The following AAMDC variants were observed in gnomAD, a reference collection of about 807,000 sequenced individuals.
AAMDC encodes the protein adipogenesis associated Mth938 domain containing.
In AAMDC, 16 loss-of-function variants were observed where a neutral mutation model predicts 15.5. The observed-to-expected ratio is 1.03, with a 90% confidence interval of 0.70 to 1.57. AAMDC has a LOEUF of 1.57. Ranked by LOEUF, AAMDC falls within the 40% of genes most tolerant of loss-of-function variation. The pLI, the probability that AAMDC is intolerant of heterozygous loss-of-function variation, is 0.00. For missense variants in AAMDC, 141 were observed against 144.9 expected (o/e 0.97, Z 0.14); for synonymous variants, 51 against 51.6 (o/e 0.99, Z 0.05).
At chr11:77,890,658 G>A (rs868005412) in intron 5 of AAMDC, among the ~76,000 whole-genome samples, 1 of 152,170 alleles carries the variant, frequency 6.6e-6, no homozygotes, top group Non-Finnish European at 1.5e-5. Flanking sequence ...TGCACACCCC[G>A]AGAGGAAGAA....
At chr11:77,896,756 A>T (rs531177931) in intron 5 of AAMDC, among the ~76,000 whole-genome samples, 2 of 152,142 alleles carry the variant, frequency 1.3e-5, no homozygotes, top group East Asian at 3.9e-4. Context: ...AGAAAATCCA[A>T]CATTTAGTAT....
intron 1 of AAMDC, among the ~76,000 whole-genome samples, chr11:77,826,815 T>A (rs1022797776): frequency 1.8e-4 from 27 of 152,210 alleles, no homozygotes; most frequent in African/African-American, 5.5e-4. Flanking sequence ...GTAAAAATAC[T>A]GAATTGGAGC....
chr11:77,843,123 A>G (rs1049647277), intron 2 of AAMDC, among the ~76,000 whole-genome samples: 10 of 152,178 alleles, frequency 6.6e-5, no homozygotes, highest in African/African-American at 2.2e-4. Context: ...GCACCATTTT[A>G]CATCTCCACT....
At chr11:77,846,259 C>T (rs1950142862) in intron 2 of AAMDC, among the ~76,000 whole-genome samples, 1 of 152,142 alleles carries the variant, frequency 6.6e-6, no homozygotes, top group South Asian at 2.1e-4. Context: ...ATGTGTCTAC[C>T]AGTTGCCTTT....
downstream of AAMDC, chr11:77,901,644 A>G: frequency 1.1e-6 from 1 of 909,502 alleles, no homozygotes; most frequent in Non-Finnish European, 1.7e-6. Context: ...CTTAGGTGAA[A>G]CTCTTAACTG....
At chr11:77,823,932 C>T (rs1590915371) in intron 1 of AAMDC, among the ~76,000 whole-genome samples, 1 of 151,380 alleles carries the variant, frequency 6.6e-6, no homozygotes, top group East Asian at 1.9e-4. Flanking sequence ...AAAAAAAAAG[C>T]TTTATTACTA....
At chr11:77,880,707 C>T (rs1000575986) in intron 5 of AAMDC, among the ~76,000 whole-genome samples, 9 of 152,150 alleles carry the variant, frequency 5.9e-5, no homozygotes, top group African/African-American at 2.2e-4. Context: ...CCTATAATCC[C>T]AGCACTTTGG....
chr11:77,872,621 G>T (rs893588701), downstream of AAMDC, among the ~76,000 whole-genome samples: 1 of 152,180 alleles, frequency 6.6e-6, no homozygotes, highest in Non-Finnish European at 1.5e-5. Context: ...CCAACCCTGA[G>T]ACTGGAGCCA....
At chr11:77,875,041 C>CAAAA (rs397791397), downstream of AAMDC, among the ~76,000 whole-genome samples, 1 of 120,940 alleles carries the variant, frequency 8.3e-6, no homozygotes. Flanking sequence ...GACTCCATCT[C>CAAAA]AAAAAAAAAA....
chr11:77,901,893 T>C (rs543493459), downstream of AAMDC, among the ~76,000 whole-genome samples: 1 of 151,812 alleles, frequency 6.6e-6, no homozygotes, highest in Non-Finnish European at 1.5e-5. Context: ...ATATATATTA[T>C]GTATGGAAAC....
chr11:77,852,433 G>T (rs1232361779), intron 2 of AAMDC, among the ~76,000 whole-genome samples: 1 of 151,972 alleles, frequency 6.6e-6, no homozygotes, highest in Non-Finnish European at 1.5e-5. Flanking sequence ...ACATGATTCA[G>T]AATTCAAACT....
intron 5 of AAMDC, among the ~76,000 whole-genome samples, chr11:77,886,440 C>T (rs108843): frequency 0.38 from 57,514 of 151,558 alleles, 11,300 homozygotes; most frequent in African/African-American, 0.46. Context: ...CGCGAAGGCC[C>T]GCGGCGGGTG....
chr11:77,888,273 A>G (rs1477948069), intron 5 of AAMDC, among the ~76,000 whole-genome samples: 1 of 152,234 alleles, frequency 6.6e-6, no homozygotes, highest in African/African-American at 2.4e-5. Context: ...AATGCCACAT[A>G]TCTACAACCA....
At chr11:77,833,781 A>T (rs1026827782) in intron 1 of AAMDC, among the ~76,000 whole-genome samples, 1 of 152,216 alleles carries the variant, frequency 6.6e-6, no homozygotes, top group Middle Eastern at 3.2e-3. Context: ...TATTACAGTT[A>T]ATCGTATATT....
At chr11:77,866,441 A>G (rs1168380794) in intron 2 of AAMDC, 1 of 152,214 alleles carries the variant, frequency 6.6e-6, no homozygotes, top group Non-Finnish European at 1.5e-5. Context: ...TGCCTCAATA[A>G]TAGTCTCAAG....
At chr11:77,857,824 G>C (rs1590959540) in intron 2 of AAMDC, among the ~76,000 whole-genome samples, 2 of 151,660 alleles carry the variant, frequency 1.3e-5, no homozygotes, top group African/African-American at 4.8e-5. Context: ...AGCCTCCCAA[G>C]TAGCTGGGAC....
At chr11:77,846,152 T>C (rs1950137914) in intron 2 of AAMDC, among the ~76,000 whole-genome samples, 1 of 152,230 alleles carries the variant, frequency 6.6e-6, no homozygotes, top group Non-Finnish European at 1.5e-5. Context: ...TATTCTTTGT[T>C]TGTGGCTTCT....
chr11:77,860,156 C>T (rs777885806), intron 2 of AAMDC, among the ~76,000 whole-genome samples: 13 of 152,296 alleles, frequency 8.5e-5, no homozygotes, highest in Non-Finnish European at 1.6e-4. Context: ...AGTCTTGCCC[C>T]GTTGGCAAGC....
intron 5 of AAMDC, chr11:77,891,915 A>G (rs1193397700): frequency 1.3e-6 from 2 of 1,594,444 alleles, no homozygotes; most frequent in African/African-American, 2.7e-5. Flanking sequence ...CCAGACACCT[A>G]TCAAACCCTG....
Sources: gnomAD v4.1 joint callset for allele counts (sites outside exome capture counted in the v4.1 genomes callset) on GRCh38, gnomAD v4.1.1 for gene constraint, MANE v1.5 for transcripts, NCBI Gene and HGNC (gene_info 2026-07-23, HGNC 2026-07-21) for gene names.